The following ASH1L variants were observed in gnomAD, a reference collection of about 807,000 sequenced individuals.
ASH1L encodes histone-lysine N-methyltransferase ASH1L.
ASH1L carries 23 observed loss-of-function variants against 269.0 expected under a neutral mutation model. The ratio of observed to expected loss-of-function variants is 0.09; its 90% confidence interval spans 0.06 to 0.12. ASH1L has a LOEUF of 0.12. Among genes scored for constraint, ASH1L ranks in the 10% least tolerant of loss-of-function variants. The pLI is 1.00. For missense variants in ASH1L, 2,912 were observed against 3,567.8 expected (o/e 0.82, Z 4.68); for synonymous variants, 1,187 against 1,253.5 (o/e 0.95, Z 1.12).
intron 5 of ASH1L, among the ~76,000 whole-genome samples, chr1:155,434,633 ATCAGG>A (rs1661932359): frequency 6.6e-6 from 1 of 152,102 alleles, no homozygotes; most frequent in Non-Finnish European, 1.5e-5. Context: ...CGGGAGGATC[ATCAGG>A]TCAGGAGTTT....
chr1:155,417,391 G>A (rs1376363495), intron 5 of ASH1L, among the ~76,000 whole-genome samples: 9 of 152,280 alleles, frequency 5.9e-5, no homozygotes, highest in Middle Eastern at 3.4e-3. Flanking sequence ...AACCTATGGA[G>A]AATTATAACT....
chr1:155,399,445 C>T (rs1658645766), intron 6 of ASH1L, among the ~76,000 whole-genome samples: 2 of 152,120 alleles, frequency 1.3e-5, no homozygotes, highest in Non-Finnish European at 2.9e-5. Flanking sequence ...GAGTTCAAGA[C>T]CAGACTGGCT....
intron 2 of ASH1L, among the ~76,000 whole-genome samples, chr1:155,482,961 C>A (rs1438747803): frequency 6.6e-6 from 1 of 152,124 alleles, no homozygotes; most frequent in African/African-American, 2.4e-5. Context: ...CAATTATGGT[C>A]TTGAGTGAGC....
At chr1:155,409,921 TTTGGGAAGCTGGGGCGGG>T (rs1244994293) in intron 6 of ASH1L, among the ~76,000 whole-genome samples, 1 of 151,554 alleles carries the variant, frequency 6.6e-6, no homozygotes, top group Non-Finnish European at 1.5e-5. Flanking sequence ...ATCCCAGCAC[TTTGGGAAGCTGGGGCGGG>T]CAGATCACTT....
intron 1 of ASH1L, among the ~76,000 whole-genome samples, chr1:155,528,657 T>C (rs117347425): frequency 6.6e-6 from 1 of 152,216 alleles, no homozygotes; most frequent in East Asian, 1.9e-4. Context: ...TCCCCAACAT[T>C]ATGGAGGGTG....
At chr1:155,547,577 G>T (rs1670914319) in intron 1 of ASH1L, among the ~76,000 whole-genome samples, 1 of 151,942 alleles carries the variant, frequency 6.6e-6, no homozygotes, top group Non-Finnish European at 1.5e-5. Context: ...TACAAAATTA[G>T]CCAGGTGTGG....
chr1:155,490,233 G>T (rs1276906567), intron 2 of ASH1L, among the ~76,000 whole-genome samples: 1 of 151,866 alleles, frequency 6.6e-6, no homozygotes, highest in Non-Finnish European at 1.5e-5. Flanking sequence ...CAAAGTGCTG[G>T]GATTACAGGT....
At position 155,521,526 on chromosome 1, in the gene ASH1L, C is replaced by T. The variant is rs563323756; in HGVS notation, c.-7G>A. On this transcript the variant is annotated 5_prime_UTR_variant, in exon 2 of 28. Coordinates refer to ENST00000392403, the MANE Select transcript of ASH1L (RefSeq NM_018489.3). ...CAGTATTTCTAGGGTCCATCACAAGCGTATGTTATTGCCAAGGAATCTTAT... is the reference window on the plus strand; with the variant it reads ...CAGTATTTCTAGGGTCCATCACAAGTGTATGTTATTGCCAAGGAATCTTAT... 2.3e-5 allele frequency: 36 copies of T among 1,590,610 alleles called. No individual in the cohort carries two copies. The highest frequency in any genetic ancestry group is 5.8e-5 in the South Asian group (5 of 86,900).
chr1:155,481,932 G>A lies in ASH1L; in HGVS notation c.938C>T (p.Thr313Ile). 6.2e-7 allele frequency: 1 copy of A among 1,614,126 alleles called. No individual in the cohort carries two copies. The highest frequency in any genetic ancestry group is 8.5e-7 in the Non-Finnish European group (1 of 1,180,026). ...TAAGTTTTTATTAATGAATACCGCTGTAGTGCCAGTTCCCAGTTTTTTCAC... is the reference window on the plus strand; with the variant it reads ...TAAGTTTTTATTAATGAATACCGCTATAGTGCCAGTTCCCAGTTTTTTCAC... The part of the protein sequence containing the change: ...DSVKKLGTGT[T>I]AVFINKNLGK... The change falls in exon 3 of 28, where the codon ACA becomes ATA. Residue 313 changes from threonine (T) to isoleucine (I), a missense_variant. This residue lies in a region of ASH1L where 277 missense variants were observed against 367.7 expected (regional missense o/e 0.75). Coordinates refer to ENST00000392403, the MANE Select transcript of ASH1L (RefSeq NM_018489.3).
At chr1:155,387,385 A>G (rs1657524821) in intron 7 of ASH1L, among the ~76,000 whole-genome samples, 1 of 152,224 alleles carries the variant, frequency 6.6e-6, no homozygotes, top group Admixed American at 6.5e-5. Flanking sequence ...TTTACTGAAT[A>G]GGGAATCCTT....
chr1:155,350,309 A>C (rs1440434894), intron 17 of ASH1L, among the ~76,000 whole-genome samples: 1 of 152,196 alleles, frequency 6.6e-6, no homozygotes, highest in Non-Finnish European at 1.5e-5. Context: ...GGCATGAGCC[A>C]CTGCGCCTGG....
chr1:155,563,024 G>A (rs879269080), upstream of ASH1L: 1 of 458,394 alleles, frequency 2.2e-6, no homozygotes, highest in Admixed American at 2.4e-5. Context: ...GGGGCTTGCC[G>A]TTTGACTGGA....
intron 6 of ASH1L, among the ~76,000 whole-genome samples, chr1:155,413,063 T>A (rs185412073): frequency 3.9e-5 from 6 of 152,212 alleles, no homozygotes; most frequent in Admixed American, 3.9e-4. Flanking sequence ...AGCAGAAAAG[T>A]TGATAATTAT....
chr1:155,439,089 CA>C, intron 4 of ASH1L, 21 bp from the exon 5 acceptor site: 1 of 1,574,054 alleles, frequency 6.4e-7, no homozygotes, highest in Non-Finnish European at 8.6e-7. Context: ...CAATAAATCA[CA>C]CATAGACAAA....
chr1:155,382,464 C>T (rs1338238743), intron 7 of ASH1L, among the ~76,000 whole-genome samples: 1 of 152,190 alleles, frequency 6.6e-6, no homozygotes, highest in Admixed American at 6.5e-5. Context: ...TGCCACTGCA[C>T]TCCAGCCTGG....
In ASH1L at chr1:155,337,447, G is replaced by A. The variant is rs1652407379; in HGVS notation, c.*213C>T. The A allele has an allele frequency of 2.1e-6, 1 of 475,600 alleles. No individual in the cohort carries two copies. Among genetic ancestry groups the A allele is most frequent in the Non-Finnish European group, 3.9e-6 (1 of 259,214 alleles). 29.5% of individuals were successfully genotyped at this position (475,600 alleles called of 1,614,324 possible). ...ACCCTTAAGGTGAAGCAATGGAGAA[G>A]AAAATTAATTAACCTGAACTGTCTT... On this transcript the variant is annotated 3_prime_UTR_variant, in exon 28 of 28. Coordinates refer to ENST00000392403, the MANE Select transcript of ASH1L (RefSeq NM_018489.3).
At chr1:155,407,317 C>T (rs906173435) in intron 6 of ASH1L, among the ~76,000 whole-genome samples, 1 of 152,086 alleles carries the variant, frequency 6.6e-6, no homozygotes, top group Admixed American at 6.6e-5. Flanking sequence ...GTAAGACAGA[C>T]TCATAAATTT....
At chr1:155,424,065 C>A (rs1286426484) in intron 5 of ASH1L, among the ~76,000 whole-genome samples, 1 of 152,142 alleles carries the variant, frequency 6.6e-6, no homozygotes, top group Non-Finnish European at 1.5e-5. Flanking sequence ...CTGCAGACCC[C>A]AATCTATGGT....
chr1:155,349,657 C>T (rs1653695227), intron 17 of ASH1L, 61 bp from the exon 18 acceptor site: 1 of 1,439,316 alleles, frequency 6.9e-7, no homozygotes, highest in African/African-American at 1.4e-5. Flanking sequence ...CAAGCATCTC[C>T]TAACTGGAAG....
Sources: allele counts gnomAD v4.1 joint callset (sites outside exome capture counted in the v4.1 genomes callset), GRCh38; gene constraint gnomAD v4.1.1; regional missense constraint gnomAD v4.1.1; transcripts MANE v1.5; gene names NCBI Gene and HGNC (gene_info 2026-07-23, HGNC 2026-07-21).